MACROD2: variants seen among roughly 807,000 people sequenced by gnomAD.
The protein encoded by MACROD2 is ADP-ribose glycohydrolase MACROD2.
MACROD2 carries 36 observed loss-of-function variants against 70.4 expected under a neutral mutation model. That is an observed-to-expected ratio of 0.51 (90% CI 0.39 to 0.68). The LOEUF is 0.68. Among genes scored for constraint, MACROD2 ranks in the 30% least tolerant of loss-of-function variants. MACROD2 has a pLI of 0.00. For missense variants in MACROD2, 496 were observed against 538.4 expected, an observed-to-expected ratio of 0.92 and a Z score of 0.78; for synonymous variants, 172 against 178.8, an observed-to-expected ratio of 0.96 and a Z score of 0.30.
chr20:15,107,531 G>A (rs1416704117), intron 5 of MACROD2, among the ~76,000 whole-genome samples: 2 of 151,284 alleles, frequency 1.3e-5, no homozygotes, highest in African/African-American at 2.4e-5. Context: ...CATACTCATC[G>A]TCTTTATGCT....
At chr20:15,484,077 A>ATTTTATTTTATTTTG (rs146978121) in intron 7 of MACROD2, among the ~76,000 whole-genome samples, 68 of 149,918 alleles carry the variant, frequency 4.5e-4, no homozygotes, top group Non-Finnish European at 6.7e-4. Flanking sequence ...ATTTTATTTT[A>ATTTTATTTTATTTTG]TTTTATTTTT....
intron 5 of MACROD2, among the ~76,000 whole-genome samples, chr20:15,188,574 A>T (rs1397080269): frequency 6.6e-6 from 1 of 152,182 alleles, no homozygotes. Flanking sequence ...TACTTTTCAA[A>T]GATATGCTTT....
chr20:14,075,570 T>A (rs2053906895), intron 2 of MACROD2, among the ~76,000 whole-genome samples: 1 of 152,146 alleles, frequency 6.6e-6, no homozygotes, highest in Non-Finnish European at 1.5e-5. Context: ...CTAAGACCTC[T>A]CCCTTCCCAT....
chr20:14,740,147 G>T (rs912587719), intron 5 of MACROD2, among the ~76,000 whole-genome samples: 2 of 151,944 alleles, frequency 1.3e-5, no homozygotes, highest in Admixed American at 1.3e-4. Flanking sequence ...AAATTCCTCC[G>T]CTTATTAAAG....
intron 8 of MACROD2, among the ~76,000 whole-genome samples, chr20:15,844,052 C>T (rs1028051708): frequency 6.6e-6 from 1 of 151,708 alleles, no homozygotes; most frequent in African/African-American, 2.4e-5. Flanking sequence ...TCTAGCATGC[C>T]TGCACATATA....
chr20:14,584,283 T>C (rs2123356314), intron 4 of MACROD2, among the ~76,000 whole-genome samples: 1 of 152,316 alleles, frequency 6.6e-6, no homozygotes, highest in South Asian at 2.1e-4. Context: ...ACTTTAGAAA[T>C]ACAAATATTA....
At chr20:15,827,469 G>A (rs748861630) in intron 8 of MACROD2, among the ~76,000 whole-genome samples, 1 of 152,082 alleles carries the variant, frequency 6.6e-6, no homozygotes, top group Non-Finnish European at 1.5e-5. Context: ...AAACCCACCT[G>A]ATGTTCTTTG....
chr20:15,985,585 T>C (rs2095851), intron 13 of MACROD2, among the ~76,000 whole-genome samples: 114,662 of 152,104 alleles, frequency 0.75, 43,409 homozygotes, highest in African/African-American at 0.78. Flanking sequence ...GGGCCTGCTA[T>C]GCGCTGCTCT....
chr20:15,531,345 TTA>T (rs1210807229), intron 8 of MACROD2, among the ~76,000 whole-genome samples: 1 of 150,786 alleles, frequency 6.6e-6, no homozygotes, highest in Non-Finnish European at 1.5e-5. Flanking sequence ...CATGTATTAT[TTA>T]TGTTAATTTT....
At chr20:14,210,097 A>G (rs2081558391) in intron 3 of MACROD2, among the ~76,000 whole-genome samples, 1 of 152,246 alleles carries the variant, frequency 6.6e-6, no homozygotes, top group South Asian at 2.1e-4. Flanking sequence ...GCTAAATTAT[A>G]TACATATGTC....
chr20:15,647,176 G>A (rs1352291284), intron 8 of MACROD2, among the ~76,000 whole-genome samples: 1 of 152,242 alleles, frequency 6.6e-6, no homozygotes, highest in African/African-American at 2.4e-5. Flanking sequence ...GAATCTTAGA[G>A]TTCTCCTCTC....
intron 5 of MACROD2, among the ~76,000 whole-genome samples, chr20:14,955,020 A>ATAAT (rs1555855564): frequency 6.1e-3 from 1 of 164 alleles, no homozygotes. Context: ...TATATTATAT[A>ATAAT]TTATATATTT....
intron 6 of MACROD2, among the ~76,000 whole-genome samples, chr20:15,315,023 A>G (rs73101272): frequency 0.026 from 3,997 of 152,324 alleles, 76 homozygotes; most frequent in Middle Eastern, 0.092. Flanking sequence ...ACACAGAGCT[A>G]ATTTCACCAG....
intron 15 of MACROD2, among the ~76,000 whole-genome samples, chr20:16,018,271 C>A (rs1601330327): frequency 6.6e-6 from 1 of 152,036 alleles, no homozygotes; most frequent in East Asian, 1.9e-4. Context: ...TTTAGGTACT[C>A]ATTTCAGAAC....
chr20:14,312,279 T>C (rs1001514682), intron 3 of MACROD2, among the ~76,000 whole-genome samples: 2 of 152,136 alleles, frequency 1.3e-5, no homozygotes, highest in Non-Finnish European at 2.9e-5. Flanking sequence ...CTGAGAAACT[T>C]GAAACTAGTG....
chr20:15,619,474 C>A, intron 8 of MACROD2: 2 of 271,882 alleles, frequency 7.4e-6, no homozygotes, highest in Non-Finnish European at 1.5e-5. Context: ...GAGCCCCGGG[C>A]AGGATCATTC....
At chr20:15,395,895 G>A (rs1177412766) in intron 6 of MACROD2, among the ~76,000 whole-genome samples, 2 of 152,122 alleles carry the variant, frequency 1.3e-5, no homozygotes, top group Non-Finnish European at 2.9e-5. Context: ...CCATCCAGAT[G>A]TTATGTAATG....
chr20:15,994,812 C>G (rs763309074), intron 15 of MACROD2, among the ~76,000 whole-genome samples: 1 of 152,104 alleles, frequency 6.6e-6, no homozygotes, highest in Non-Finnish European at 1.5e-5. Context: ...GTCATTGAAA[C>G]TCATTCTGCA....
intron 3 of MACROD2, among the ~76,000 whole-genome samples, chr20:14,355,836 A>C (rs1403494941): frequency 6.6e-6 from 1 of 152,204 alleles, no homozygotes; most frequent in Non-Finnish European, 1.5e-5. Context: ...GCTATTTTTC[A>C]TTTCAGCCTT....
Sources: allele counts gnomAD v4.1 joint callset (sites outside exome capture counted in the v4.1 genomes callset), GRCh38; gene constraint gnomAD v4.1.1; transcripts MANE v1.5; gene names NCBI Gene and HGNC (gene_info 2026-07-23, HGNC 2026-07-21).